The following TRMT5 variants were observed in gnomAD, a reference collection of about 807,000 sequenced individuals.
TRMT5 encodes tRNA (guanine(37)-N(1))-methyltransferase.
In TRMT5, 31 loss-of-function variants were observed where a neutral mutation model predicts 42.2. That is an observed-to-expected ratio of 0.73 (90% confidence interval 0.55 to 0.99). The LOEUF is 0.99. Among genes scored for constraint, TRMT5 ranks in the 50% least tolerant of loss-of-function variants. TRMT5 has a pLI of 0.00. For synonymous variants in TRMT5, 198 were observed against 209.6 expected (o/e 0.94, Z 0.48); for missense variants, 568 against 595.0 (o/e 0.95, Z 0.47).
At chr14:60,980,205 G>T (rs1303236789) in intron 1 of TRMT5, among the ~76,000 whole-genome samples, 1 of 152,182 alleles carries the variant, frequency 6.6e-6, no homozygotes, top group Non-Finnish European at 1.5e-5. Context: ...ACTGAAGTAT[G>T]AGTTAAATGG....
At position 60,977,553 on chromosome 14, in the gene TRMT5, T is replaced by G; in HGVS notation, c.753A>C (p.Gln251His). Reference sequence around the variant, plus strand: ...TCTGCTCTCCAGATAGCACTTCCATTTGGAAATTTCGGTACATATTGTCAA... The same window carrying G: ...TCTGCTCTCCAGATAGCACTTCCATGTGGAAATTTCGGTACATATTGTCAA... ...NNIDNMYRNF[Q>H]MEVLSGEQNM... Residue 251 changes from glutamine to histidine, a missense_variant, in exon 3 of 5, where the codon CAA (glutamine) becomes CAC (histidine). By Grantham distance (24) the Gln-to-His change is conservative (BLOSUM62 0). Transcript: ENST00000261249. 6.2e-7 allele frequency: 1 copy of G among 1,611,510 alleles called. No individual in the cohort carries two copies. The highest frequency in any genetic ancestry group is 8.5e-7 in the Non-Finnish European group (1 of 1,178,710).
At position 60,975,086 on chromosome 14, in the gene TRMT5, G is replaced by A; in HGVS notation, c.*23C>T. 6.4e-7 allele frequency: 1 copy of A among 1,570,354 alleles called. No individual in the cohort carries two copies. Among genetic ancestry groups the A allele is most frequent in the Non-Finnish European group, 8.7e-7 (1 of 1,150,210 alleles). On this transcript the variant is annotated 3_prime_UTR_variant, in exon 5 of 5. Coordinates refer to ENST00000261249, the MANE Select transcript of TRMT5 (RefSeq NM_020810.3). The stretch of plus-strand genomic sequence containing the variant: ...ATTTCACTACATGTAAGTCTGGTAG[G>A]GAGATGGAGAAAACATTTCCAATTA...
rs559731682 is a variant in TRMT5, at chr14:60,972,078, A to G, written c.*3031T>C. ...ATCAATCCAGCTTCAGAGATATTCT[A>G]TTAGTGACACATACCCCTTCCCCCA... On this transcript the variant is annotated 3_prime_UTR_variant, in exon 5 of 5. Transcript: ENST00000261249. 8 of 332,644 alleles carry G rather than the reference A, an allele frequency of 2.4e-5. No individual in the cohort carries two copies. The highest frequency in any genetic ancestry group is 1.3e-4 in the African/African-American group (6 of 45,998). The allele number at this position is 332,644 out of a possible 1,614,324, so 20.6% of individuals were successfully genotyped here.
upstream of TRMT5, chr14:60,981,633 G>A (rs1236626850): frequency 4.1e-6 from 6 of 1,453,350 alleles, no homozygotes; most frequent in Admixed American, 2.1e-5. Flanking sequence ...GCAGCGTTGA[G>A]TGGAAGCTGC....
Position 60,976,142 on chromosome 14 carries a change from A to G in TRMT5, c.793-16T>C. 6.3e-7 allele frequency: 1 copy of G among 1,591,870 alleles called. No individual in the cohort carries two copies. Among genetic ancestry groups the G allele is most frequent in the Non-Finnish European group, 8.6e-7 (1 of 1,169,486 alleles). ...TTTCTCGAACCTGAAAAAAGGTGTT[A>G]TGCTTTTTGGTTAATTTCCTTGGTC... is the stretch of plus-strand genomic sequence containing the variant. On this transcript the variant is annotated splice_polypyrimidine_tract_variant and intron_variant, in intron 3 of 4. Coordinates refer to ENST00000261249, the MANE Select transcript of TRMT5 (RefSeq NM_020810.3).
chr14:60,977,661 A>G (rs372486703), intron 2 of TRMT5, 23 bp from the exon 3 acceptor site: 176 of 1,580,896 alleles, frequency 1.1e-4, no homozygotes, highest in Non-Finnish European at 1.4e-4. Flanking sequence ...ATGAAAATCC[A>G]TAATACTGCC....
At position 60,975,133 on chromosome 14, in the gene TRMT5, T is replaced by G. The variant is rs778565230; in HGVS notation, c.1506A>C (p.Lys502Asn). Residue 502 changes from lysine to asparagine, a missense_variant, in exon 5 of 5, where the codon AAA becomes AAC. Coordinates refer to ENST00000261249, the MANE Select transcript of TRMT5 (RefSeq NM_020810.3). ...QRTAEAFSDE[K>N]TQIVSNT ...ATTAAGTGTTTGAAACAATTTGTGTTTTTTCGTCTGAAAAGGCTTCAGCCG... is the reference window on the plus strand; with the variant it reads ...ATTAAGTGTTTGAAACAATTTGTGTGTTTTCGTCTGAAAAGGCTTCAGCCG... 1.2e-6 allele frequency: 2 copies of G among 1,610,386 alleles called. No homozygotes were observed. Among genetic ancestry groups the G allele is most frequent in the Non-Finnish European group, 1.7e-6 (2 of 1,178,776 alleles).
Position 60,972,078 on chromosome 14 carries a change from A to C in TRMT5, c.*3031T>G, listed in dbSNP as rs559731682. The C allele has an allele frequency of 6.0e-6, 2 of 332,762 alleles. No homozygotes were observed. The highest frequency in any genetic ancestry group is 4.3e-5 in the African/African-American group (2 of 46,120). 20.6% of individuals were successfully genotyped at this position (332,762 alleles called of 1,614,324 possible). On this transcript the variant is annotated 3_prime_UTR_variant, in exon 5 of 5. Transcript: ENST00000261249. ...ATCAATCCAGCTTCAGAGATATTCT[A>C]TTAGTGACACATACCCCTTCCCCCA...
chr14:60,978,899 T>G (rs770001573), intron 2 of TRMT5, among the ~76,000 whole-genome samples: 1 of 152,208 alleles, frequency 6.6e-6, no homozygotes, highest in Admixed American at 6.5e-5. Flanking sequence ...TGAAACCTAG[T>G]ATTTAACATA....
Position 60,979,609 on chromosome 14 carries a change from G to A in TRMT5, c.289C>T (p.Pro97Ser), listed in dbSNP as rs1011182670. 3.1e-6 allele frequency: 5 copies of A among 1,613,970 alleles called. No homozygotes were observed. Among genetic ancestry groups the A allele is most frequent in the Non-Finnish European group, 4.2e-6 (5 of 1,180,028 alleles). Residue 97 changes from proline (P) to serine (S), a missense_variant, in exon 2 of 5, where the codon CCA (proline) becomes TCA (serine). Physicochemically the swap from Pro to Ser is moderately conservative, Grantham distance 74 (BLOSUM62 -1). Coordinates refer to ENST00000261249, the MANE Select transcript of TRMT5 (RefSeq NM_020810.3). ...ATTTCTTTCCTCACTTTAAGCACTG[G>A]AATGTTGACTGTCTTTTTAAAAGCT... ...RTAFKKTVNI[P>S]VLKVRKEIVS... is the part of the protein sequence containing the mutation.
At chr14:60,977,231 G>A (rs2036859480) in intron 3 of TRMT5, among the ~76,000 whole-genome samples, 1 of 151,980 alleles carries the variant, frequency 6.6e-6, no homozygotes, top group African/African-American at 2.4e-5. Context: ...TTGCTTTCTG[G>A]CAATTGTCCA....
chr14:60,971,484 T>C lies in TRMT5; in HGVS notation c.*3625A>G, dbSNP rs2036773028. On this transcript the variant is annotated 3_prime_UTR_variant, in exon 5 of 5. Coordinates refer to ENST00000261249, the MANE Select transcript of TRMT5 (RefSeq NM_020810.3). ...CTGTATCCAGCTTTATTAAAGATAC[T>C]TTCCATAAACAATCATGGTATTTCA... The C allele has an allele frequency of 6.6e-6, 1 of 152,616 alleles. No individual in the cohort carries two copies. The highest frequency in any genetic ancestry group is 2.1e-4 in the South Asian group (1 of 4,834). The allele number at this position is 152,616 out of a possible 1,614,324, so 9.5% of individuals were successfully genotyped here.
At position 60,979,631 on chromosome 14, in the gene TRMT5, A is replaced by G. The variant is rs2139645828; in HGVS notation, c.267T>C (p.Ala89=). 4 of 1,614,108 alleles carry G rather than the reference A, an allele frequency of 2.5e-6. No individual in the cohort carries two copies. Among genetic ancestry groups the G allele is most frequent in the East Asian group, 2.2e-5 (1 of 44,872 alleles). Residue 89 remains alanine (A), a synonymous_variant, in exon 2 of 5, where the codon GCT becomes GCC. Transcript: ENST00000261249. ...VRGMTKLDRT[A]FKKTVNIPVL... Reference sequence around the variant, plus strand: ...CTGGAATGTTGACTGTCTTTTTAAAAGCTGTTCTATCAAGTTTTGTCATGC... The same window carrying G: ...CTGGAATGTTGACTGTCTTTTTAAAGGCTGTTCTATCAAGTTTTGTCATGC...
At chr14:60,977,878 T>A (rs141789445) in intron 2 of TRMT5, among the ~76,000 whole-genome samples, 1 of 152,262 alleles carries the variant, frequency 6.6e-6, no homozygotes, top group East Asian at 1.9e-4. Flanking sequence ...TTTGAGGAGT[T>A]TGGGTCTACC....
Position 60,979,773 on chromosome 14 carries a change from A to G in TRMT5, c.125T>C (p.Leu42Pro). Residue 42 changes from leucine to proline, a missense_variant, in exon 2 of 5, where the codon CTT becomes CCT. Leu to Pro is a moderately conservative substitution (Grantham distance 98). Transcript: ENST00000261249. ...TAAGAAAATACCAGGTGCTTCCAAA[A>G]GCATCTGTGTCAGGGATGTCCAAGC... The part of the protein sequence containing the change: ...PVAWTSLTQM[L>P]LEAPGIFLLG... 7 of 1,614,116 alleles carry G rather than the reference A, an allele frequency of 4.3e-6. No homozygotes were observed. The highest frequency in any genetic ancestry group is 5.9e-6 in the Non-Finnish European group (7 of 1,180,014).
chr14:60,972,373 G>A lies in TRMT5; in HGVS notation c.*2736C>T. Reference sequence around the variant, plus strand: ...TTGGGCTCTGGCTTTGGAGGAGCAGGTTTAGCAGACAACCTCGCAGATCTT... The same window carrying A: ...TTGGGCTCTGGCTTTGGAGGAGCAGATTTAGCAGACAACCTCGCAGATCTT... On this transcript the variant is annotated 3_prime_UTR_variant, in exon 5 of 5. Transcript: ENST00000261249. 1 of 543,690 alleles carries A rather than the reference G, an allele frequency of 1.8e-6. No homozygotes were observed. Among genetic ancestry groups the A allele is most frequent in the South Asian group, 1.4e-5 (1 of 72,204 alleles). 33.7% of individuals were successfully genotyped at this position (543,690 alleles called of 1,614,324 possible).
At chr14:60,977,316 T>C (rs1253710981) in intron 3 of TRMT5, among the ~76,000 whole-genome samples, 198 bp downstream of exon 3, 1 of 152,224 alleles carries the variant, frequency 6.6e-6, no homozygotes, top group Non-Finnish European at 1.5e-5. Context: ...AAATATTCCA[T>C]TGTATCACTA....
intron 1 of TRMT5, 38 bp downstream of exon 1, chr14:60,980,925 C>T: frequency 6.2e-7 from 1 of 1,612,616 alleles, no homozygotes. Context: ...CTGGTACCTC[C>T]CCTGGACCAT....
Position 60,976,068 on chromosome 14 carries a change from C to A in TRMT5, c.851G>T (p.Arg284Leu). Residue 284 changes from arginine to leucine, a missense_variant, in exon 4 of 5, where the codon CGT (arginine) becomes CTT (leucine). Coordinates refer to ENST00000261249, the MANE Select transcript of TRMT5 (RefSeq NM_020810.3). ...FDFSKVYWNP[R>L]LSTEHSRITE... ...GATACGGCTGTGTTCTGTAGACAGA[C>A]GAGGATTCCAATAGACTTTTGAAAA... is the stretch of plus-strand genomic sequence containing the variant. The A allele has an allele frequency of 1.9e-6, 3 of 1,613,792 alleles. No homozygotes were observed. The highest frequency in any genetic ancestry group is 2.5e-6 in the Non-Finnish European group (3 of 1,179,906).
Sources: gnomAD v4.1 joint callset for allele counts (sites outside exome capture counted in the v4.1 genomes callset) on GRCh38, gnomAD v4.1.1 for gene constraint, MANE v1.5 for transcripts, NCBI Gene and HGNC (gene_info 2026-07-23, HGNC 2026-07-21) for gene names.